The following GNAO1 variants were observed in gnomAD, a reference collection of about 807,000 sequenced individuals.
The protein encoded by GNAO1 is guanine nucleotide-binding protein G(o) subunit alpha.
For synonymous variants in GNAO1, 164 were observed against 180.7 expected (o/e 0.91, Z 0.74); for missense variants, 166 against 478.7 (o/e 0.35, Z 6.10).
intron 2 of GNAO1, among the ~76,000 whole-genome samples, chr16:56,222,842 G>A (rs578189709): frequency 3.7e-4 from 57 of 152,246 alleles, no homozygotes; most frequent in Non-Finnish European, 3.7e-4. Flanking sequence ...CTGGCGATGA[G>A]GTGATAATGA....
intron 2 of GNAO1, among the ~76,000 whole-genome samples, chr16:56,203,631 T>C (rs1459244826): frequency 6.6e-6 from 1 of 152,208 alleles, no homozygotes; most frequent in Admixed American, 6.5e-5. Flanking sequence ...TACTGGTATC[T>C]CTGAAGCAGG....
chr16:56,318,215 C>T (rs1316913548), intron 3 of GNAO1, among the ~76,000 whole-genome samples: 2 of 152,170 alleles, frequency 1.3e-5, no homozygotes, highest in Non-Finnish European at 2.9e-5. Flanking sequence ...CTCTCCTGTG[C>T]CGGAGAGAAC....
chr16:56,335,585 C>T (rs1334476211), intron 5 of GNAO1, among the ~76,000 whole-genome samples: 1 of 152,322 alleles, frequency 6.6e-6, no homozygotes, highest in East Asian at 1.9e-4. Context: ...AACTCCTGCC[C>T]GCTCCTGTTC....
At chr16:56,258,347 T>G (rs2036871745) in intron 2 of GNAO1, among the ~76,000 whole-genome samples, 1 of 152,258 alleles carries the variant, frequency 6.6e-6, no homozygotes, top group African/African-American at 2.4e-5. Context: ...AACTGGGTTA[T>G]TCATTCCTAT....
At chr16:56,215,070 C>T (rs1346147800) in intron 2 of GNAO1, among the ~76,000 whole-genome samples, 1 of 152,190 alleles carries the variant, frequency 6.6e-6, no homozygotes, top group African/African-American at 2.4e-5. Flanking sequence ...CCCTGGCACC[C>T]ACCACCTCCT....
rs1219990219 is a variant in GNAO1 at position 56,192,913 on chromosome 16, A to G, written c.161+297A>G. 3.3e-5 allele frequency: 12 copies of G among 367,340 alleles called. No individual in the cohort carries two copies. The East Asian group carries it at 5.1e-4, about 16-fold the overall frequency. 22.8% of individuals were successfully genotyped at this position (367,340 alleles called of 1,614,324 possible). On this transcript the variant is annotated intron_variant, in intron 2 of 8. Transcript: ENST00000262493. The stretch of plus-strand genomic sequence containing the variant: ...AGAACATCACACTATTGGCATGATT[A>G]TGATCATTACTCTTGCTTGTGGAAT...
At chr16:56,284,683 G>A (rs565547910) in intron 3 of GNAO1, among the ~76,000 whole-genome samples, 51 of 152,258 alleles carry the variant, frequency 3.3e-4, no homozygotes, top group South Asian at 8.3e-4. Context: ...GGGCCAGACA[G>A]CAGGTCTGGA....
In GNAO1 at chr16:56,311,498, A is replaced by G. The variant is rs1388940802; in HGVS notation, c.304-17133A>G. Reference sequence around the variant, plus strand: ...GGGAAGATGAGGATGGCAGGGGCTAAGTAGAGGCCATGCACCCTGATCCCA... The same window carrying G: ...GGGAAGATGAGGATGGCAGGGGCTAGGTAGAGGCCATGCACCCTGATCCCA... On this transcript the variant is annotated intron_variant, in intron 3 of 8. Coordinates refer to ENST00000262493, the MANE Select transcript of GNAO1 (RefSeq NM_020988.3). The surrounding 1 kb of genome is among the most constrained non-coding windows in gnomAD (Gnocchi z 5.2). 6.6e-6 allele frequency among the ~76,000 whole-genome samples: 1 copy of G among 152,176 alleles called. No homozygotes were observed. Among genetic ancestry groups the G allele is most frequent in the African/African-American group, 2.4e-5 (1 of 41,444 alleles).
chr16:56,272,245 C>A (rs907425373), intron 2 of GNAO1, among the ~76,000 whole-genome samples: 2 of 151,892 alleles, frequency 1.3e-5, no homozygotes, highest in Non-Finnish European at 2.9e-5. Flanking sequence ...GGAGGCAGAG[C>A]TTGCAGTGAG....
chr16:56,347,074 C>G, intron 6 of GNAO1: 5 of 985,430 alleles, frequency 5.1e-6, no homozygotes, highest in Non-Finnish European at 6.0e-6. Flanking sequence ...CTGGTGCACT[C>G]TTGGCAAGTG....
intron 2 of GNAO1, among the ~76,000 whole-genome samples, chr16:56,211,677 G>C (rs75766485): frequency 9.2e-5 from 14 of 152,264 alleles, no homozygotes; most frequent in Non-Finnish European, 1.8e-4. Flanking sequence ...TGTTTCAGTC[G>C]CGACTTGAAA....
At chr16:56,250,185 G>A (rs567056411) in intron 2 of GNAO1, among the ~76,000 whole-genome samples, 1 of 152,334 alleles carries the variant, frequency 6.6e-6, no homozygotes, top group Admixed American at 6.5e-5. Flanking sequence ...AGACAAGTTG[G>A]CGGGGTTGAT....
At chr16:56,229,176 A>C (rs2036563231) in intron 2 of GNAO1, among the ~76,000 whole-genome samples, 1 of 152,120 alleles carries the variant, frequency 6.6e-6, no homozygotes, top group South Asian at 2.1e-4. Flanking sequence ...TGCTTTGTAT[A>C]GCCGACACCA....
intron 2 of GNAO1, among the ~76,000 whole-genome samples, chr16:56,195,850 C>T (rs1196999030): frequency 6.6e-6 from 1 of 152,196 alleles, no homozygotes; most frequent in Admixed American, 6.5e-5. Flanking sequence ...GTGTTCTCAT[C>T]CTTGTTGTGG....
At chr16:56,234,187 C>T (rs1596812399) in intron 2 of GNAO1, among the ~76,000 whole-genome samples, 1 of 152,354 alleles carries the variant, frequency 6.6e-6, no homozygotes, top group Admixed American at 6.5e-5. Context: ...CCTGGTCTGG[C>T]TGTAGGCAGG....
chr16:56,332,926 T>C (rs2037703196), intron 4 of GNAO1, among the ~76,000 whole-genome samples: 1 of 152,180 alleles, frequency 6.6e-6, no homozygotes, highest in South Asian at 2.1e-4. Flanking sequence ...TGGGAGAGGC[T>C]CCTTCTGGCT....
intron 3 of GNAO1, among the ~76,000 whole-genome samples, chr16:56,304,550 A>G (rs1456415229): frequency 6.6e-6 from 1 of 152,220 alleles, no homozygotes; most frequent in Non-Finnish European, 1.5e-5. Flanking sequence ...TGAAAGGACA[A>G]GAGCCCATAA....
At chr16:56,278,905 G>T (rs572383336) in intron 3 of GNAO1, among the ~76,000 whole-genome samples, 31 of 152,256 alleles carry the variant, frequency 2.0e-4, no homozygotes, top group African/African-American at 7.2e-4. Context: ...TGAGCCCAGT[G>T]CTGGGTCCCC....
intron 3 of GNAO1, chr16:56,306,797 C>T (rs2037401528): frequency 6.6e-6 from 1 of 152,140 alleles, no homozygotes; most frequent in Admixed American, 6.5e-5. Context: ...AGCAAAGATT[C>T]CAGTTGGACC....
Sources: allele counts gnomAD v4.1 joint callset (sites outside exome capture counted in the v4.1 genomes callset), GRCh38; gene constraint gnomAD v4.1.1; non-coding constraint Gnocchi (gnomAD v3.1); transcripts MANE v1.5; gene names NCBI Gene and HGNC (gene_info 2026-07-23, HGNC 2026-07-21).